PTPRN2: variants seen among roughly 807,000 people sequenced by gnomAD.
PTPRN2 encodes receptor-type tyrosine-protein phosphatase N2.
A neutral mutation model predicts 118.8 loss-of-function variants in PTPRN2; 74 were observed. That is an observed-to-expected ratio of 0.62 (90% CI 0.52 to 0.76). The LOEUF is 0.76. PTPRN2 is among the 30% of genes least tolerant of loss of function. PTPRN2 has a pLI of 0.00. For missense variants in PTPRN2, 1,481 were observed against 1,394.4 expected (o/e 1.06, Z -0.99); for synonymous variants, 641 against 608.0 (o/e 1.05, Z -0.80).
At chr7:158,336,335 G>T (rs576098253) in intron 2 of PTPRN2, among the ~76,000 whole-genome samples, 2 of 141,680 alleles carry the variant, frequency 1.4e-5, no homozygotes, top group South Asian at 2.4e-4. Context: ...GGTGACACCT[G>T]CAGACGTCAC....
At chr7:157,734,327 C>T (rs958554931) in intron 12 of PTPRN2, among the ~76,000 whole-genome samples, 2 of 149,852 alleles carry the variant, frequency 1.3e-5, no homozygotes, top group Admixed American at 6.9e-5. Flanking sequence ...ATGCACCCAG[C>T]GCAGTTACTC....
At chr7:157,859,809 T>C (rs868073606) in intron 12 of PTPRN2, among the ~76,000 whole-genome samples, 2,051 of 20,886 alleles carry the variant, frequency 0.098, no homozygotes, top group Admixed American at 0.15. Context: ...GCAGGGAGAG[T>C]CCCCCAGCCA....
At chr7:158,153,501 C>A (rs1438622620) in intron 6 of PTPRN2, among the ~76,000 whole-genome samples, 1 of 152,158 alleles carries the variant, frequency 6.6e-6, no homozygotes, top group Non-Finnish European at 1.5e-5. Context: ...TCTGAGCCCA[C>A]AGCCCACCCG....
intron 12 of PTPRN2, among the ~76,000 whole-genome samples, chr7:157,824,729 G>C (rs992589184): frequency 1.3e-5 from 2 of 152,194 alleles, no homozygotes; most frequent in East Asian, 3.9e-4. Flanking sequence ...CTTTGGGTGT[G>C]AACCTGGATG....
intron 11 of PTPRN2, among the ~76,000 whole-genome samples, chr7:158,006,917 C>T (rs1408534051): frequency 4.6e-5 from 7 of 152,184 alleles, no homozygotes; most frequent in Non-Finnish European, 1.0e-4. Context: ...TGGCGGGAAG[C>T]CTGCTAGTCT....
At chr7:158,274,481 C>CGAGGAGCCGCAGGCACAG (rs1563074838) in intron 3 of PTPRN2, among the ~76,000 whole-genome samples, 5 of 113,004 alleles carry the variant, frequency 4.4e-5, no homozygotes, top group Admixed American at 1.7e-4. Flanking sequence ...AGGAGACACA[C>CGAGGAGCCGCAGGCACAG]GAGGAGCCGC....
chr7:158,095,451 G>T (rs1814555149), intron 10 of PTPRN2, among the ~76,000 whole-genome samples: 1 of 151,974 alleles, frequency 6.6e-6, no homozygotes, highest in East Asian at 1.9e-4. Flanking sequence ...CATACGCAGG[G>T]CATTTAATTC....
intron 2 of PTPRN2, among the ~76,000 whole-genome samples, chr7:158,361,482 C>G (rs1406503153): frequency 1.3e-5 from 2 of 152,332 alleles, no homozygotes; most frequent in East Asian, 3.9e-4. Flanking sequence ...ACCTCTTTTG[C>G]TCTTTCTTGC....
chr7:157,962,610 C>A (rs1801622261), intron 11 of PTPRN2, among the ~76,000 whole-genome samples: 1 of 152,120 alleles, frequency 6.6e-6, no homozygotes, highest in Non-Finnish European at 1.5e-5. Context: ...ACCTACACAC[C>A]CGGGGTCAGG....
At chr7:158,421,152 C>T (rs1218371853) in intron 2 of PTPRN2, among the ~76,000 whole-genome samples, 6 of 152,162 alleles carry the variant, frequency 3.9e-5, no homozygotes, top group South Asian at 2.1e-4. Flanking sequence ...GAGGGCCAGC[C>T]GCACCCCTTG....
intron 12 of PTPRN2, among the ~76,000 whole-genome samples, chr7:157,841,167 G>A (rs945048354): frequency 2.0e-5 from 3 of 152,224 alleles, no homozygotes; most frequent in Non-Finnish European, 2.9e-5. Context: ...CAGTTCATGC[G>A]CTGGCCACGA....
intron 1 of PTPRN2, among the ~76,000 whole-genome samples, chr7:158,497,617 G>A (rs1484271959): frequency 6.6e-6 from 1 of 152,202 alleles, no homozygotes; most frequent in Admixed American, 6.5e-5. Flanking sequence ...AGGAAGATGG[G>A]TGCCCCATCC....
At chr7:158,409,800 T>A (rs952153131) in intron 2 of PTPRN2, among the ~76,000 whole-genome samples, 1 of 152,186 alleles carries the variant, frequency 6.6e-6, no homozygotes, top group African/African-American at 2.4e-5. Flanking sequence ...AGAACTGTCC[T>A]GCAGAATCTG....
chr7:158,073,656 A>G (rs145047627), intron 11 of PTPRN2, among the ~76,000 whole-genome samples: 1 of 149,612 alleles, frequency 6.7e-6, no homozygotes, highest in East Asian at 1.9e-4. Flanking sequence ...ACTAAGGTAT[A>G]AAGACACTAC....
intron 3 of PTPRN2, among the ~76,000 whole-genome samples, chr7:158,206,393 T>A (rs1222721013): frequency 6.6e-6 from 1 of 152,018 alleles, no homozygotes; most frequent in African/African-American, 2.4e-5. Context: ...ATCTCCTGAC[T>A]ACAGAGCCTT....
intron 12 of PTPRN2, among the ~76,000 whole-genome samples, chr7:157,825,900 T>C (rs1334664561): frequency 6.6e-6 from 1 of 152,240 alleles, no homozygotes; most frequent in East Asian, 1.9e-4. Flanking sequence ...CTTCTGGATG[T>C]CTGTGGCTTA....
rs1585119336 is a variant in PTPRN2 at position 157,618,049 on chromosome 7, A to G, written c.2344+3313T>C. On this transcript the variant is annotated intron_variant, in intron 15 of 22. Transcript: ENST00000389418. This position sits in a 1 kb window ranked among gnomAD's most constrained non-coding sequence, Gnocchi z 4.2. ...AAGTTCTTTAAACTTCTGAGATAAT[A>G]CAACTAGACCTAGCATGGTGCCAGC... The G allele has an allele frequency of 6.6e-6, 1 of 152,260 alleles. No homozygotes were observed. The highest frequency in any genetic ancestry group is 2.1e-4 in the South Asian group (1 of 4,832). The allele number at this position is 152,260 out of a possible 1,614,324, so 9.4% of individuals were successfully genotyped here.
At chr7:157,858,161 A>C (rs113958241) in intron 12 of PTPRN2, among the ~76,000 whole-genome samples, 1 of 18,502 alleles carries the variant, frequency 5.4e-5, no homozygotes, top group Non-Finnish European at 1.1e-4. Context: ...CACCACCCAC[A>C]CTCCTGCAGG....
At chr7:157,830,096 A>C (rs1807461107) in intron 12 of PTPRN2, among the ~76,000 whole-genome samples, 1 of 110,212 alleles carries the variant, frequency 9.1e-6, no homozygotes, top group African/African-American at 3.6e-5. Context: ...GGTGTCCTTG[A>C]CCTCCTGTCT....
Sources: gnomAD v4.1 joint callset for allele counts (sites outside exome capture counted in the v4.1 genomes callset) on GRCh38, gnomAD v4.1.1 for gene constraint, Gnocchi (gnomAD v3.1) non-coding constraint, MANE v1.5 for transcripts, NCBI Gene and HGNC (gene_info 2026-07-23, HGNC 2026-07-21) for gene names.